The following SHOX variants were observed in gnomAD, a reference collection of about 807,000 sequenced individuals.
SHOX encodes short stature homeobox protein.
SHOX carries 12 observed loss-of-function variants against 29.6 expected under a neutral mutation model. That is an observed-to-expected ratio of 0.41 (90% CI 0.26 to 0.66). SHOX has a LOEUF of 0.66. Among genes scored for constraint, SHOX ranks in the 30% least tolerant of loss-of-function variants. SHOX has a pLI of 0.35. For synonymous variants in SHOX, 214 were observed against 200.6 expected (o/e 1.07, Z -0.57); for missense variants, 499 against 437.7 (o/e 1.14, Z -1.25).
upstream of SHOX, among the ~76,000 whole-genome samples, chrX:628,257 T>TTCTC (rs373162965): frequency 7.1e-6 from 1 of 140,546 alleles, no homozygotes; most frequent in African/African-American, 2.7e-5. Flanking sequence ...GTCTCTCCCT[T>TTCTC]TCTCTCTCTC....
chrX:626,579 A>AGTTCTGTCTG (rs2052540622), upstream of SHOX, among the ~76,000 whole-genome samples: 1 of 11,628 alleles, frequency 8.6e-5, no homozygotes, highest in Admixed American at 7.8e-4. Context: ...CTCTGTCTGT[A>AGTTCTGTCTG]TCTCTGTCTG....
intron 2 of SHOX, among the ~76,000 whole-genome samples, chrX:637,524 G>A (rs1053805160): frequency 2.0e-5 from 3 of 151,756 alleles, no homozygotes; most frequent in African/African-American, 7.3e-5. Flanking sequence ...CAAGCTGGGG[G>A]TTATCGATTG....
rs781781837 is a variant in SHOX at position 634,694 on chromosome X, G to A, written c.354G>A (p.Arg118=). The change falls in exon 2 of 5, where the codon AGG becomes AGA. Residue 118 remains arginine, a synonymous_variant. Coordinates refer to ENST00000686671, the MANE Select transcript of SHOX (RefSeq NM_000451.4). ...ACGGGCAGACCAAGCTGAAACAGAG[G>A]CGCAGCCGCACCAACTTCACGCTGG... ...DEDGQTKLKQ[R]RSRTNFTLEQ... 4.3e-6 allele frequency: 7 copies of A among 1,613,780 alleles called. No homozygotes were observed. In the African/African-American group the frequency reaches 9.3e-5, roughly 22 times the overall value.
At position 644,630 on chromosome X, in the gene SHOX, G is replaced by T. The variant is rs1421641973; in HGVS notation, c.873G>T (p.Gly291=). The change falls in exon 5 of 5, where the codon GGG becomes GGT. Residue 291 remains glycine, a synonymous_variant. Coordinates refer to ENST00000686671, the MANE Select transcript of SHOX (RefSeq NM_000451.4). ...CGCGGAAGCACGCGGAGGCCCTGGG[G>T]CTCTGACCCGCCGCGCAGCCCCCCG... ...LKARKHAEAL[G]L is the part of the protein sequence containing the mutation. 2.0e-6 allele frequency: 3 copies of T among 1,480,300 alleles called. No individual in the cohort carries two copies. Among genetic ancestry groups the T allele is most frequent in the Non-Finnish European group, 2.7e-6 (3 of 1,123,178 alleles). The allele number at this position is 1,480,300 out of a possible 1,614,324, so 91.7% of individuals were successfully genotyped here.
chrX:651,542 A>G lies in SHOX; in HGVS notation c.*6906A>G. ...GTGACGCCCCGTAGTATGAATGTAC[A>G]TCTTGTAAAACTGAGATATAAATAA... On this transcript the variant is annotated 3_prime_UTR_variant, in exon 5 of 5. Coordinates refer to ENST00000686671, the MANE Select transcript of SHOX (RefSeq NM_000451.4). The G allele has an allele frequency of 2.9e-6, 1 of 340,678 alleles. No individual in the cohort carries two copies. The highest frequency in any genetic ancestry group is 5.7e-6 in the Non-Finnish European group (1 of 174,910). 21.1% of individuals were successfully genotyped at this position (340,678 alleles called of 1,614,324 possible).
At position 644,082 on chromosome X, in the gene SHOX, A is replaced by G. The variant is rs1242656372; in HGVS notation, c.634-309A>G. The stretch of plus-strand genomic sequence containing the variant: ...GAACGTTGTGAGCCAAAGTCCCTGA[A>G]TCCCTGCGAAGAGAGCGCATCGGGA... On this transcript the variant is annotated intron_variant, in intron 4 of 4. Transcript: ENST00000686671. Among the ~76,000 whole-genome samples, 5 of 152,048 alleles carry G rather than the reference A, an allele frequency of 3.3e-5. No individual in the cohort carries two copies. In the South Asian group the frequency reaches 6.2e-4, roughly 19 times the overall value.
chrX:651,121 G>C lies in SHOX; in HGVS notation c.*6485G>C. ...TTTGTTATTTATTTTTTTTTCCTTG[G>C]TCGGACGTTCATAAATATGTACTAT... On this transcript the variant is annotated 3_prime_UTR_variant, in exon 5 of 5. Transcript: ENST00000686671. 1 of 343,848 alleles carries C rather than the reference G, an allele frequency of 2.9e-6. No individual in the cohort carries two copies. The highest frequency in any genetic ancestry group is 7.6e-5 in the East Asian group (1 of 13,190). The allele number at this position is 343,848 out of a possible 1,614,324, so 21.3% of individuals were successfully genotyped here.
upstream of SHOX, among the ~76,000 whole-genome samples, chrX:626,842 C>T (rs2052547911): frequency 6.7e-6 from 1 of 149,958 alleles, no homozygotes; most frequent in Non-Finnish European, 1.5e-5. Flanking sequence ...CTTTTTCTGT[C>T]TCTGTCTCTC....
upstream of SHOX, among the ~76,000 whole-genome samples, chrX:626,952 CTCTCTGTCTGTA>C (rs1320843648): frequency 2.6e-5 from 4 of 151,224 alleles, no homozygotes; most frequent in Non-Finnish European, 5.9e-5. Flanking sequence ...CTCTTTTTCT[CTCTCTGTCTGTA>C]TCTCTGTCTA....
At chrX:652,084 C>A (rs750103501), downstream of SHOX, among the ~76,000 whole-genome samples, 4 of 152,116 alleles carry the variant, frequency 2.6e-5, no homozygotes, top group East Asian at 7.8e-4. Flanking sequence ...ACCACCGCGC[C>A]CGGCTCATTT....
intron 4 of SHOX, among the ~76,000 whole-genome samples, chrX:641,443 CT>C (rs1200633038): frequency 1.3e-4 from 20 of 152,126 alleles, no homozygotes; most frequent in Non-Finnish European, 4.4e-5. Flanking sequence ...CATCCCAGCA[CT>C]TTGGGAGGCC....
chrX:630,162 C>G (rs2052620661), upstream of SHOX, among the ~76,000 whole-genome samples: 1 of 152,206 alleles, frequency 6.6e-6, no homozygotes, highest in African/African-American at 2.4e-5. Context: ...CGCCCGCGTC[C>G]CGGTTTGGGG....
chrX:643,577 C>A, intron 4 of SHOX, among the ~76,000 whole-genome samples: 1 of 141,108 alleles, frequency 7.1e-6, no homozygotes, highest in Non-Finnish European at 1.5e-5. Context: ...GCTTGGGGAC[C>A]TGGTGTCCCG....
chrX:625,465 G>A (rs765325256), intron 1 of SHOX, among the ~76,000 whole-genome samples: 5 of 151,444 alleles, frequency 3.3e-5, no homozygotes, highest in Non-Finnish European at 5.9e-5. Context: ...TCTCTCTCTC[G>A]CTGTCTCTCT....
chrX:638,242 T>C (rs1233597082), intron 2 of SHOX, among the ~76,000 whole-genome samples: 3 of 151,382 alleles, frequency 2.0e-5, no homozygotes, highest in Admixed American at 6.6e-5. Flanking sequence ...AATTCATCAC[T>C]TGTATTCTTC....
upstream of SHOX, among the ~76,000 whole-genome samples, chrX:629,785 A>G (rs1396663069): frequency 1.3e-5 from 2 of 152,140 alleles, no homozygotes; most frequent in Admixed American, 6.5e-5. Flanking sequence ...GGTCCTTGGC[A>G]GGAACCGTGA....
Position 650,942 on chromosome X carries a change from C to T in SHOX, c.*6306C>T, listed in dbSNP as rs1286979753. 2.0e-5 allele frequency among the ~76,000 whole-genome samples: 3 copies of T among 151,866 alleles called. No homozygotes were observed. The highest frequency in any genetic ancestry group is 4.4e-5 in the Non-Finnish European group (3 of 67,970). ...TGAAATTTGATATTTAATGAGAAGC[C>T]GGTTAAGGAATGTAGACAATATCCC... On this transcript the variant is annotated 3_prime_UTR_variant, in exon 5 of 5. Transcript: ENST00000686671.
chrX:627,879 C>T (rs1001865656), upstream of SHOX, among the ~76,000 whole-genome samples: 5 of 152,086 alleles, frequency 3.3e-5, no homozygotes, highest in Non-Finnish European at 5.9e-5. Flanking sequence ...GGAGGGTTTT[C>T]GGTAGGGAGA....
intron 4 of SHOX, 30 bp from the exon 5 acceptor site, chrX:644,361 G>A (rs1456817990): frequency 6.6e-7 from 1 of 1,512,742 alleles, no homozygotes; most frequent in East Asian, 2.6e-5. Context: ...CCCATCCTGC[G>A]CCCTCACCCC....
Sources: allele counts gnomAD v4.1 joint callset (sites outside exome capture counted in the v4.1 genomes callset), GRCh38; gene constraint gnomAD v4.1.1; transcripts MANE v1.5; gene names NCBI Gene and HGNC (gene_info 2026-07-23, HGNC 2026-07-21).